The following LMX1B variants were observed in gnomAD, a reference collection of about 807,000 sequenced individuals.
LMX1B encodes LIM homeobox transcription factor 1-beta.
A neutral mutation model predicts 51.4 loss-of-function variants in LMX1B; 12 were observed. The observed-to-expected ratio is 0.23, with a 90% CI of 0.15 to 0.38. LMX1B has a LOEUF of 0.38. Ranked by LOEUF, LMX1B falls within the 10% of genes least tolerant of loss-of-function variation. The probability of loss-of-function intolerance (pLI) is 1.00; values close to 1 mark genes in which losing one functional copy is unlikely to be tolerated. For synonymous variants in LMX1B, 237 were observed against 235.4 expected (o/e 1.01, Z -0.06); for missense variants, 445 against 571.1 (o/e 0.78, Z 2.25).
chr9:126,623,860 C>T (rs1228386744), intron 2 of LMX1B, among the ~76,000 whole-genome samples: 2 of 152,208 alleles, frequency 1.3e-5, no homozygotes, highest in African/African-American at 4.8e-5. Context: ...GACGTCCGGA[C>T]ACGCGGATGG....
chr9:126,628,438 G>A (rs141372281), intron 2 of LMX1B, among the ~76,000 whole-genome samples: 26 of 152,296 alleles, frequency 1.7e-4, no homozygotes, highest in South Asian at 4.1e-4. Flanking sequence ...GTTATGATTC[G>A]GAAAAGGTCC....
At position 126,631,506 on chromosome 9, in the gene LMX1B, C is replaced by CT. The variant is rs1211196872; in HGVS notation, c.326+15938dup. Among the ~76,000 whole-genome samples the CT allele has an allele frequency of 5.5e-3, 834 of 152,058 alleles. 7 individuals carry two copies. Among genetic ancestry groups the CT allele is most frequent in the African/African-American group, 0.019 (791 of 41,472 alleles). On this transcript the variant is annotated intron_variant, in intron 2 of 7. Transcript: ENST00000373474. ...TGAGTTGCTCAGCTTCCTGGCTCAGCTCGGCCGGCCGGGATGGGGCAGGCC... is the reference window on the plus strand; with the variant it reads ...TGAGTTGCTCAGCTTCCTGGCTCAGCTTCGGCCGGCCGGGATGGGGCAGGCC...
intron 2 of LMX1B, among the ~76,000 whole-genome samples, chr9:126,636,620 G>A (rs985152704): frequency 4.6e-5 from 7 of 152,150 alleles, no homozygotes; most frequent in East Asian, 1.9e-4. Context: ...CTGTGGACAC[G>A]GGGAAAGGGG....
Position 126,658,237 on chromosome 9 carries a change from G to C in LMX1B, c.327-32599G>C, listed in dbSNP as rs1442210821. 6.6e-6 allele frequency among the ~76,000 whole-genome samples: 1 copy of C among 152,096 alleles called. No individual in the cohort carries two copies. Among genetic ancestry groups the C allele is most frequent in the Non-Finnish European group, 1.5e-5 (1 of 68,022 alleles). On this transcript the variant is annotated intron_variant, in intron 2 of 7. Transcript: ENST00000373474. This position sits in a 1 kb window ranked among gnomAD's most constrained non-coding sequence, Gnocchi z 4.0. ...GGCAGGAGGGGGGTGAGTCTACAAA[G>C]GGTACCAAATGTCAGGCTTGGGGTT...
chr9:126,621,068 G>A (rs886256666), intron 2 of LMX1B, among the ~76,000 whole-genome samples: 2 of 152,204 alleles, frequency 1.3e-5, no homozygotes, highest in Non-Finnish European at 2.9e-5. Flanking sequence ...CCAAGGAGCC[G>A]CCTTTGTCCT....
Position 126,695,232 on chromosome 9 carries a change from T to TC in LMX1B, c.887-604dup, listed in dbSNP as rs1258863399. The stretch of plus-strand genomic sequence containing the variant: ...CTCGTCTACCAAACCCTCCAGCGGC[T>TC]CCCAGCGGCCTCGGGGACCCCCACC... On this transcript the variant is annotated intron_variant, in intron 6 of 7. Transcript: ENST00000373474. The surrounding 1 kb of genome is among the most constrained non-coding windows in gnomAD (Gnocchi z 5.2). Among the ~76,000 whole-genome samples the TC allele has an allele frequency of 6.6e-5, 10 of 152,050 alleles. No homozygotes were observed. Among genetic ancestry groups the TC allele is most frequent in the African/African-American group, 2.4e-4 (10 of 41,388 alleles).
chr9:126,674,771 C>A (rs1158285232), intron 2 of LMX1B, among the ~76,000 whole-genome samples: 3 of 152,202 alleles, frequency 2.0e-5, no homozygotes, highest in Non-Finnish European at 4.4e-5. Context: ...AACCCACCCC[C>A]TCTCCCACTC....
At chr9:126,630,286 C>T (rs546268072) in intron 2 of LMX1B, among the ~76,000 whole-genome samples, 2 of 152,082 alleles carry the variant, frequency 1.3e-5, no homozygotes, top group Non-Finnish European at 2.9e-5. Context: ...AGCACAGAGT[C>T]AGCATCTGCG....
intron 2 of LMX1B, among the ~76,000 whole-genome samples, chr9:126,685,795 G>A (rs116683921): frequency 0.022 from 3,419 of 152,246 alleles, 103 homozygotes; most frequent in African/African-American, 0.075. Flanking sequence ...CATGATCACC[G>A]TTTATTGAGC....
intron 2 of LMX1B, among the ~76,000 whole-genome samples, chr9:126,653,337 G>A (rs1276703851): frequency 1.3e-5 from 2 of 151,596 alleles, no homozygotes; most frequent in African/African-American, 4.8e-5. Context: ...GTATTTTTTT[G>A]TAGAGATGGG....
rs536317121 is a variant in LMX1B at position 126,632,604 on chromosome 9, A to C, written c.326+17035A>C. Among the ~76,000 whole-genome samples the C allele has an allele frequency of 4.3e-4, 66 of 152,260 alleles. 1 individual carries two copies. The highest frequency in any genetic ancestry group is 6.8e-3 in the Middle Eastern group (2 of 294). ...GCTGGCAACATGTGCCTGGGATTAG[A>C]CCGGCGGGAGGAGGCTATTGCCACC... is the stretch of plus-strand genomic sequence containing the variant. On this transcript the variant is annotated intron_variant, in intron 2 of 7. Transcript: ENST00000373474.
rs1343212345 is a variant in LMX1B, at chr9:126,613,946, G to C, written c.-504G>C. On this transcript the variant is annotated 5_prime_UTR_variant, in exon 1 of 8. Transcript: ENST00000373474. The surrounding 1 kb of genome is among the most constrained non-coding windows in gnomAD (Gnocchi z 4.5). ...CGCCGCCAGCCCCAGCTCTAAACCC[G>C]GCGGCTCAGCGGGCGCACCATGGCA... Among the ~76,000 whole-genome samples the C allele has an allele frequency of 6.8e-6, 1 of 146,404 alleles. No individual in the cohort carries two copies. Among genetic ancestry groups the C allele is most frequent in the Non-Finnish European group, 1.5e-5 (1 of 65,852 alleles).
At chr9:126,693,857 C>A in intron 6 of LMX1B, 45 bp downstream of exon 6, 1 of 941,286 alleles carries the variant, frequency 1.1e-6, no homozygotes, top group Non-Finnish European at 1.6e-6. Context: ...TGAGCTGGGG[C>A]CGGGGCCAGG....
chr9:126,620,314 C>T (rs912678795), intron 2 of LMX1B, among the ~76,000 whole-genome samples: 1 of 152,190 alleles, frequency 6.6e-6, no homozygotes, highest in Non-Finnish European at 1.5e-5. Flanking sequence ...CCTCCCAGCC[C>T]CAAGTCTTAG....
At chr9:126,693,371 A>G (rs2030209849) in intron 4 of LMX1B, 48 bp downstream of exon 4, 3 of 1,571,120 alleles carry the variant, frequency 1.9e-6, no homozygotes, top group Middle Eastern at 2.3e-4. Context: ...CCGCACACCC[A>G]CTGCCTTTCT....
At chr9:126,632,483 G>A (rs966250999) in intron 2 of LMX1B, among the ~76,000 whole-genome samples, 6 of 152,180 alleles carry the variant, frequency 3.9e-5, no homozygotes, top group South Asian at 2.1e-4. Flanking sequence ...GGCTGTGCTC[G>A]GGCGTTTGGA....
chr9:126,621,201 G>A (rs1394717053), intron 2 of LMX1B, among the ~76,000 whole-genome samples: 3 of 152,236 alleles, frequency 2.0e-5, no homozygotes, highest in African/African-American at 7.2e-5. Context: ...CTTCCAATTT[G>A]TTGGACACCA....
chr9:126,648,509 G>A lies in LMX1B; in HGVS notation c.326+32940G>A, dbSNP rs370564103. ...CCTGTGAGCTGTGGTACCCAGGGCA[G>A]GTGACTTGGCTTCTCCCAGTCTTGA... On this transcript the variant is annotated intron_variant, in intron 2 of 7. Coordinates refer to ENST00000373474, the MANE Select transcript of LMX1B (RefSeq NM_001174147.2). 6.6e-5 allele frequency among the ~76,000 whole-genome samples: 10 copies of A among 152,308 alleles called. No individual in the cohort carries two copies. The East Asian group carries it at 1.2e-3, about 18-fold the overall frequency.
chr9:126,627,454 G>A (rs781417583), intron 2 of LMX1B, among the ~76,000 whole-genome samples: 1 of 152,074 alleles, frequency 6.6e-6, no homozygotes, highest in Non-Finnish European at 1.5e-5. Flanking sequence ...CTGTCCCCAA[G>A]GGAAAGCAGA....
Sources: allele counts gnomAD v4.1 joint callset (sites outside exome capture counted in the v4.1 genomes callset), GRCh38; gene constraint gnomAD v4.1.1; non-coding constraint Gnocchi (gnomAD v3.1); transcripts MANE v1.5; gene names NCBI Gene and HGNC (gene_info 2026-07-23, HGNC 2026-07-21).